The following SPOPL variants were observed in gnomAD, a reference collection of about 807,000 sequenced individuals.
SPOPL encodes the protein speckle-type POZ protein-like.
SPOPL carries 23 observed loss-of-function variants against 53.8 expected under a neutral mutation model. The ratio of observed to expected loss-of-function variants is 0.43; its 90% CI spans 0.31 to 0.61. The LOEUF (loss-of-function observed/expected upper bound fraction) is 0.61, where lower values mean the gene tolerates loss of function less well. Among genes scored for constraint, SPOPL ranks in the 20% least tolerant of loss-of-function variants. The pLI is 0.12. For missense variants in SPOPL, 442 were observed against 466.9 expected, an observed-to-expected ratio of 0.95 and a Z score of 0.49; for synonymous variants, 164 against 149.7, an observed-to-expected ratio of 1.10 and a Z score of -0.70.
intron 1 of SPOPL, among the ~76,000 whole-genome samples, chr2:138,539,042 T>G (rs1226886257): frequency 6.6e-6 from 1 of 152,218 alleles, no homozygotes; most frequent in Non-Finnish European, 1.5e-5. Flanking sequence ...GAATGACGGT[T>G]TCCAGCTTCA....
intron 7 of SPOPL, among the ~76,000 whole-genome samples, chr2:138,559,579 G>T (rs1034266551): frequency 1.3e-5 from 2 of 152,080 alleles, no homozygotes; most frequent in African/African-American, 4.8e-5. Context: ...TTGGATAGTT[G>T]TTATCCAAAA....
Position 138,571,674 on chromosome 2 carries a change from T to C in SPOPL, c.*2594T>C, listed in dbSNP as rs1685784884. On this transcript the variant is annotated 3_prime_UTR_variant, in exon 11 of 11. Transcript: ENST00000280098. Reference sequence around the variant, plus strand: ...TAAACTGCATACATTACTTTCAAAATAGGTATAGATACTCTGTCCCGCCTT... The same window carrying C: ...TAAACTGCATACATTACTTTCAAAACAGGTATAGATACTCTGTCCCGCCTT... 1 of 152,526 alleles carries C rather than the reference T, an allele frequency of 6.6e-6. No homozygotes were observed. Among genetic ancestry groups the C allele is most frequent in the Non-Finnish European group, 1.5e-5 (1 of 68,008 alleles). 9.4% of individuals were successfully genotyped at this position (152,526 alleles called of 1,614,324 possible). A position where few individuals can be genotyped will look rare whatever the true frequency, so the allele number is the denominator to read the frequency against.
intron 1 of SPOPL, among the ~76,000 whole-genome samples, chr2:138,529,531 T>C (rs546600995): frequency 0.017 from 1,544 of 88,942 alleles, 8 homozygotes; most frequent in Non-Finnish European, 0.026. Context: ...TGTGTGTGTG[T>C]GTGTTTGCGT....
chr2:138,567,041 T>A (rs1685675249), intron 10 of SPOPL, among the ~76,000 whole-genome samples: 1 of 152,174 alleles, frequency 6.6e-6, no homozygotes, highest in Admixed American at 6.5e-5. Flanking sequence ...TACTTATCCT[T>A]TATTATCCAG....
chr2:138,517,567 C>T (rs1432198741), intron 1 of SPOPL, among the ~76,000 whole-genome samples: 10 of 151,460 alleles, frequency 6.6e-5, no homozygotes, highest in African/African-American at 1.2e-4. Flanking sequence ...GGTGAAACCC[C>T]GTCTGTACTA....
intron 1 of SPOPL, among the ~76,000 whole-genome samples, chr2:138,521,027 G>C (rs1410283425): frequency 6.6e-6 from 1 of 152,170 alleles, no homozygotes; most frequent in Non-Finnish European, 1.5e-5. Context: ...AAATGTAGTT[G>C]TTTGCAAATG....
At chr2:138,567,537 A>G (rs533834500) in intron 10 of SPOPL, among the ~76,000 whole-genome samples, 1 of 152,188 alleles carries the variant, frequency 6.6e-6, no homozygotes, top group South Asian at 2.1e-4. Flanking sequence ...AGATATTCAG[A>G]GTAGTAGGTG....
At chr2:138,518,087 A>G (rs1245579017) in intron 1 of SPOPL, among the ~76,000 whole-genome samples, 1 of 151,192 alleles carries the variant, frequency 6.6e-6, no homozygotes, top group Non-Finnish European at 1.5e-5. Flanking sequence ...AGAAATTCTG[A>G]CTTGGTAAAT....
At chr2:138,520,840 A>G (rs771685248) in intron 1 of SPOPL, among the ~76,000 whole-genome samples, 1 of 152,192 alleles carries the variant, frequency 6.6e-6, no homozygotes, top group Non-Finnish European at 1.5e-5. Context: ...ACCTCTTATA[A>G]CTGTAGTTAT....
In SPOPL at chr2:138,569,124, T is replaced by G. The variant is rs766743863; in HGVS notation, c.*44T>G. ...GAAAAATGGAATTGACTTTCACTCC[T>G]CCAGGTCCAGAAGGATTCTAATACA... On this transcript the variant is annotated 3_prime_UTR_variant, in exon 11 of 11. Coordinates refer to ENST00000280098, the MANE Select transcript of SPOPL (RefSeq NM_001001664.3). 5 of 1,597,962 alleles carry G rather than the reference T, an allele frequency of 3.1e-6. No homozygotes were observed. The highest frequency in any genetic ancestry group is 4.3e-6 in the Non-Finnish European group (5 of 1,170,426).
chr2:138,520,500 G>T (rs1348579074), intron 1 of SPOPL, among the ~76,000 whole-genome samples: 2 of 152,166 alleles, frequency 1.3e-5, no homozygotes, highest in African/African-American at 4.8e-5. Flanking sequence ...GCATGGTCAG[G>T]TTTTGCTATT....
Position 138,570,918 on chromosome 2 carries a change from T to C in SPOPL, c.*1838T>C, listed in dbSNP as rs1044050473. 1 of 152,172 alleles carries C rather than the reference T, an allele frequency of 6.6e-6. No homozygotes were observed. The highest frequency in any genetic ancestry group is 6.6e-5 in the Admixed American group (1 of 15,266). 9.4% of individuals were successfully genotyped at this position (152,172 alleles called of 1,614,324 possible). A position where few individuals can be genotyped will look rare whatever the true frequency, so the allele number is the denominator to read the frequency against. ...CTTCATTACTTTCTATGTAGTTTCATTCTTTGTCGTGGTAACTTAAATTTG... is the reference window on the plus strand; with the variant it reads ...CTTCATTACTTTCTATGTAGTTTCACTCTTTGTCGTGGTAACTTAAATTTG... On this transcript the variant is annotated 3_prime_UTR_variant, in exon 11 of 11. Transcript: ENST00000280098.
intron 1 of SPOPL, among the ~76,000 whole-genome samples, chr2:138,533,058 A>G (rs1226007465): frequency 6.6e-6 from 1 of 152,152 alleles, no homozygotes; most frequent in Non-Finnish European, 1.5e-5. Flanking sequence ...GTAAAGTTTT[A>G]CTTACTGTTT....
Position 138,571,356 on chromosome 2 carries a change from G to A in SPOPL, c.*2276G>A, listed in dbSNP as rs78578018. 3.9e-3 allele frequency: 594 copies of A among 152,394 alleles called. 2 individuals carry two copies. Among genetic ancestry groups the A allele is most frequent in the African/African-American group, 0.013 (558 of 41,452 alleles). The allele number at this position is 152,394 out of a possible 1,614,324, so 9.4% of individuals were successfully genotyped here. A position where few individuals can be genotyped will look rare whatever the true frequency, so the allele number is the denominator to read the frequency against. On this transcript the variant is annotated 3_prime_UTR_variant, in exon 11 of 11. Transcript: ENST00000280098. ...CATTTCAGCTTCTTCTTACTTACTCGAGAGTTTATTGCAAATCTTAAGGAT... is the reference window on the plus strand; with the variant it reads ...CATTTCAGCTTCTTCTTACTTACTCAAGAGTTTATTGCAAATCTTAAGGAT...
intron 1 of SPOPL, among the ~76,000 whole-genome samples, chr2:138,520,948 G>A (rs562281931): frequency 2.6e-4 from 39 of 152,166 alleles, no homozygotes; most frequent in African/African-American, 7.9e-4. Flanking sequence ...TTTCTTATAT[G>A]CCTTGTTTAT....
At chr2:138,546,358 G>T (rs1685195588) in intron 1 of SPOPL, among the ~76,000 whole-genome samples, 1 of 152,152 alleles carries the variant, frequency 6.6e-6, no homozygotes, top group Admixed American at 6.5e-5. Flanking sequence ...TAGTTTCATT[G>T]TACCCTCTCT....
intron 1 of SPOPL, among the ~76,000 whole-genome samples, chr2:138,531,161 AATAAT>A (rs1354625839): frequency 1.3e-5 from 2 of 151,972 alleles, no homozygotes; most frequent in South Asian, 2.1e-4. Context: ...TGTAATTATA[AATAAT>A]ATAATTATAT....
chr2:138,562,934 T>C (rs183715136), intron 8 of SPOPL, among the ~76,000 whole-genome samples: 1 of 151,714 alleles, frequency 6.6e-6, no homozygotes, highest in African/African-American at 2.4e-5. Flanking sequence ...AGAAAAAAAA[T>C]GATAAAATAG....
chr2:138,504,829 A>G (rs1462986064), intron 1 of SPOPL, among the ~76,000 whole-genome samples: 1 of 152,234 alleles, frequency 6.6e-6, no homozygotes, highest in Non-Finnish European at 1.5e-5. Context: ...AGAGAAGAGT[A>G]ATATGCAGTC....
Sources: gnomAD v4.1 joint callset for allele counts (sites outside exome capture counted in the v4.1 genomes callset) on GRCh38, gnomAD v4.1.1 for gene constraint, MANE v1.5 for transcripts, NCBI Gene and HGNC (gene_info 2026-07-23, HGNC 2026-07-21) for gene names.